The following TRIM5 variants were observed in gnomAD, a reference collection of about 807,000 sequenced individuals.
The protein encoded by TRIM5 is tripartite motif-containing protein 5.
In TRIM5, 31 loss-of-function variants were observed where a neutral mutation model predicts 35.6. The ratio of observed to expected loss-of-function variants is 0.87; its 90% CI spans 0.65 to 1.18. TRIM5 has a LOEUF of 1.18. Ranked by LOEUF, TRIM5 falls within the 50% of genes most tolerant of loss-of-function variation. TRIM5 has a pLI of 0.00. For missense variants in TRIM5, 609 were observed against 591.6 expected, an observed-to-expected ratio of 1.03 and a Z score of -0.31; for synonymous variants, 243 against 215.6, an observed-to-expected ratio of 1.13 and a Z score of -1.11.
the TRIM5 span, chr11:5,611,328 C>T: frequency 8.8e-4 from 1,415 of 1,612,890 alleles, 30 homozygotes; most frequent in South Asian, 0.014. Flanking sequence ...GACCCTGCGT[C>T]GTCCAAGCTC....
At chr11:5,660,069 T>C (rs1015154520), downstream of TRIM5, among the ~76,000 whole-genome samples, 14 of 151,964 alleles carry the variant, frequency 9.2e-5, no homozygotes, top group Admixed American at 9.2e-4. Flanking sequence ...CTCTGCCTCC[T>C]GGGTTCAAGC....
chr11:5,623,187 CA>C, the TRIM5 span, among the ~76,000 whole-genome samples: 2 of 144,444 alleles, frequency 1.4e-5, no homozygotes, highest in Non-Finnish European at 3.0e-5. Flanking sequence ...AACCAGTTCT[CA>C]ACCTGACTTT....
chr11:5,670,974 T>G (rs1851544674), intron 4 of TRIM5, among the ~76,000 whole-genome samples: 1 of 152,142 alleles, frequency 6.6e-6, no homozygotes, highest in African/African-American at 2.4e-5. Context: ...CCAGCTGCAG[T>G]GGCTCATTCC....
intron 5 of TRIM5, 96 bp downstream of exon 5, chr11:5,667,593 G>A: frequency 3.8e-6 from 5 of 1,325,242 alleles, no homozygotes; most frequent in South Asian, 1.3e-5. Context: ...TTCTGCCCTG[G>A]GAGATGTTTT....
chr11:5,643,955 C>T, the TRIM5 span: 1 of 520,852 alleles, frequency 1.9e-6, no homozygotes, highest in Admixed American at 3.8e-5. Flanking sequence ...GTATAACATC[C>T]TTGCCTTCCC....
In TRIM5 at chr11:5,665,097, G is replaced by A. The variant is rs570656916; in HGVS notation, c.1194C>T (p.Gly398=). The A allele has an allele frequency of 1.2e-6, 2 of 1,614,060 alleles. No individual in the cohort carries two copies. The highest frequency in any genetic ancestry group is 1.3e-5 in the African/African-American group (1 of 75,004). ...CTTCCTCTAACCCTATAACCCAGTA[G>A]CCGTATTTAGGTTGATAATTTTCAT... is the stretch of plus-strand genomic sequence containing the variant. ...EKNENYQPKY[G]YWVIGLEEGV... The change falls in exon 8 of 8, where the codon GGC becomes GGT. Residue 398 remains glycine (G), a synonymous_variant. Transcript: ENST00000380034.
chr11:5,626,284 T>A, the TRIM5 span, among the ~76,000 whole-genome samples: 1 of 151,896 alleles, frequency 6.6e-6, no homozygotes, highest in Non-Finnish European at 1.5e-5. Flanking sequence ...GAAGCCTACA[T>A]CCAAATAGAA....
the TRIM5 span, among the ~76,000 whole-genome samples, chr11:5,615,514 T>C: frequency 5.1e-4 from 78 of 152,284 alleles, no homozygotes; most frequent in Non-Finnish European, 9.4e-4. Flanking sequence ...TCTACTAATA[T>C]CTTTTTCTCC....
the TRIM5 span, among the ~76,000 whole-genome samples, chr11:5,642,659 G>T: frequency 7.3e-6 from 1 of 137,120 alleles, no homozygotes; most frequent in Admixed American, 7.8e-5. Context: ...GCATTTATAT[G>T]TAAGGAAAAA....
At chr11:5,646,063 T>C in the TRIM5 span, among the ~76,000 whole-genome samples, 2 of 132,582 alleles carry the variant, frequency 1.5e-5, no homozygotes, top group African/African-American at 3.1e-5. Flanking sequence ...ATATGTATAA[T>C]ACATATAAAT....
rs61173048 is a variant in TRIM5 at position 5,679,609 on chromosome 11, T to C, written c.417+152A>G. The C allele has an allele frequency of 2.7e-4, 216 of 804,432 alleles. No homozygotes were observed. In the African/African-American group the frequency reaches 3.5e-3, roughly 13 times the overall value. 49.8% of individuals were successfully genotyped at this position (804,432 alleles called of 1,614,324 possible). On this transcript the variant is annotated intron_variant, in intron 2 of 7. Transcript: ENST00000380034. ...TAATTGGGTGAAATGCAAAAAACCA[T>C]CCTTAAAGCCTCAGAAGTTAAGCAT...
chr11:5,653,103 C>T, the TRIM5 span, among the ~76,000 whole-genome samples: 4 of 152,290 alleles, frequency 2.6e-5, no homozygotes, highest in Admixed American at 6.5e-5. Context: ...CTGCCCGCCT[C>T]GGCCTCCCAA....
chr11:5,599,925 T>C, the TRIM5 span, among the ~76,000 whole-genome samples: 1 of 152,108 alleles, frequency 6.6e-6, no homozygotes, highest in Non-Finnish European at 1.5e-5. Flanking sequence ...ATTGCCTCTA[T>C]TATCAAAGGC....
the TRIM5 span, among the ~76,000 whole-genome samples, chr11:5,638,909 T>G: frequency 6.7e-6 from 1 of 149,666 alleles, no homozygotes; most frequent in Non-Finnish European, 1.5e-5. Flanking sequence ...AGTTACAAAG[T>G]TTTTTTTTTC....
At chr11:5,596,523 CCCCCTTCCCCCTT>C in the TRIM5 span, 3 of 9,306 alleles carry the variant, frequency 3.2e-4, no homozygotes, top group African/African-American at 9.9e-4. Context: ...TCTCCCCTTC[CCCCCTTCCCCCTT>C]CCCCCTTCCC....
At chr11:5,618,328 C>G in the TRIM5 span, among the ~76,000 whole-genome samples, 1 of 152,112 alleles carries the variant, frequency 6.6e-6, no homozygotes, top group African/African-American at 2.4e-5. Context: ...CGAGATCACA[C>G]CACTGCACTC....
At chr11:5,660,027 C>T (rs1040799187), downstream of TRIM5, among the ~76,000 whole-genome samples, 3 of 151,826 alleles carry the variant, frequency 2.0e-5, no homozygotes, top group South Asian at 4.2e-4. Context: ...CCCAGGCTGA[C>T]GTGCAGTGGC....
At chr11:5,614,802 T>C in the TRIM5 span, among the ~76,000 whole-genome samples, 1 of 152,340 alleles carries the variant, frequency 6.6e-6, no homozygotes, top group Middle Eastern at 3.4e-3. Context: ...CTTAACATTA[T>C]TATTGTAATA....
the TRIM5 span, among the ~76,000 whole-genome samples, chr11:5,599,145 T>G: frequency 1.3e-5 from 2 of 152,236 alleles, no homozygotes; most frequent in Non-Finnish European, 2.9e-5. Context: ...TTTAATTGTT[T>G]GGTAATATGC....
Sources: gnomAD v4.1 joint callset for allele counts (sites outside exome capture counted in the v4.1 genomes callset) on GRCh38, gnomAD v4.1.1 for gene constraint, MANE v1.5 for transcripts, NCBI Gene and HGNC (gene_info 2026-07-23, HGNC 2026-07-21) for gene names.